HECTD4: variants seen among roughly 807,000 people sequenced by gnomAD.
HECTD4 encodes probable E3 ubiquitin-protein ligase HECTD4.
HECTD4 carries 114 observed loss-of-function variants against 471.5 expected under a neutral mutation model. The ratio of observed to expected loss-of-function variants is 0.24; its 90% CI spans 0.21 to 0.28. HECTD4 has a LOEUF of 0.28. Ranked by LOEUF, HECTD4 falls within the 10% of genes least tolerant of loss-of-function variation. The probability of loss-of-function intolerance (pLI) is 1.00; values close to 1 mark genes in which losing one functional copy is unlikely to be tolerated. For synonymous variants in HECTD4, 2,012 were observed against 2,256.0 expected, an observed-to-expected ratio of 0.89 and a Z score of 3.07; for missense variants, 3,866 against 5,651.5, an observed-to-expected ratio of 0.68 and a Z score of 10.13.
At chr12:112,304,163 T>C (rs965220299) in intron 7 of HECTD4, among the ~76,000 whole-genome samples, 1 of 151,800 alleles carries the variant, frequency 6.6e-6, no homozygotes, top group East Asian at 1.9e-4. Context: ...CAATTTTTTC[T>C]TTTAATTAAA....
intron 55 of HECTD4, among the ~76,000 whole-genome samples, chr12:112,196,383 G>A (rs2032245697): frequency 6.6e-6 from 1 of 152,160 alleles, no homozygotes; most frequent in Non-Finnish European, 1.5e-5. Flanking sequence ...ACCAGTCTGT[G>A]TGGTTCTCAT....
At position 112,184,913 on chromosome 12, in the gene HECTD4, C is replaced by G. The variant is rs751793211; in HGVS notation, c.10053G>C (p.Met3351Ile). The G allele has an allele frequency of 8.1e-6, 13 of 1,613,430 alleles. No homozygotes were observed. The highest frequency in any genetic ancestry group is 2.7e-5 in the African/African-American group (2 of 74,944). Residue 3351 changes from methionine (M) to isoleucine (I), a missense_variant, in exon 61 of 76, where the codon ATG becomes ATC. Physicochemically the swap from Met to Ile is conservative, Grantham distance 10 (BLOSUM62 1). Coordinates refer to ENST00000682272, the MANE Select transcript of HECTD4 (RefSeq NM_001388303.1). The surrounding 1 kb of genome is among the most constrained non-coding windows in gnomAD (Gnocchi z 9.1). Reference sequence around the variant, plus strand: ...GGGTGAGTGCGCGGTGGAACCACAGCATGTCCTCGGGCTTGCTGCCTCCGA... The same window carrying G: ...GGGTGAGTGCGCGGTGGAACCACAGGATGTCCTCGGGCTTGCTGCCTCCGA... Reference protein sequence around the residue: ...LSIGGSKPEDMLWFHRALTLL... With the variant: ...LSIGGSKPEDILWFHRALTLL...
chr12:112,355,178 G>A (rs1238756188), intron 1 of HECTD4, among the ~76,000 whole-genome samples: 3 of 149,922 alleles, frequency 2.0e-5, no homozygotes, highest in African/African-American at 7.4e-5. Flanking sequence ...ACAGGGTTTC[G>A]CCATGTTGGC....
intron 7 of HECTD4, among the ~76,000 whole-genome samples, chr12:112,305,311 A>G (rs1471133140): frequency 6.6e-6 from 1 of 151,988 alleles, no homozygotes; most frequent in East Asian, 1.9e-4. Flanking sequence ...TCTTGCCCCA[A>G]GCCCTCCTCC....
intron 40 of HECTD4, 79 bp downstream of exon 40, chr12:112,230,608 A>G (rs902403251): frequency 2.0e-6 from 3 of 1,465,290 alleles, no homozygotes; most frequent in Non-Finnish European, 2.7e-6. Context: ...CTTTACTGAA[A>G]TGCCCCTTGC....
At position 112,381,951 on chromosome 12, in the gene HECTD4, C is replaced by A; in HGVS notation, c.177+1G>T. 8.2e-7 allele frequency: 1 copy of A among 1,223,990 alleles called. No homozygotes were observed. The highest frequency in any genetic ancestry group is 1.0e-6 in the Non-Finnish European group (1 of 982,928). 75.8% of individuals were successfully genotyped at this position (1,223,990 alleles called of 1,614,324 possible). A position where few individuals can be genotyped will look rare whatever the true frequency, so the allele number is the denominator to read the frequency against. ...CGGGGGCCGGGGGCCGCCTCGCTCACCTCCAGGTCGGTGTCCGCGGCCTCT... is the reference window on the plus strand; with the variant it reads ...CGGGGGCCGGGGGCCGCCTCGCTCAACTCCAGGTCGGTGTCCGCGGCCTCT... On this transcript the variant is annotated splice_donor_variant, in intron 1 of 75. Transcript: ENST00000682272. LOFTEE classifies it high-confidence loss of function. The surrounding 1 kb of genome is among the most constrained non-coding windows in gnomAD (Gnocchi z 4.1).
intron 1 of HECTD4, among the ~76,000 whole-genome samples, chr12:112,323,975 TTC>T (rs2035656399): frequency 1.4e-4 from 3 of 21,126 alleles, no homozygotes; most frequent in African/African-American, 2.7e-4. Context: ...TCTTCCTTCC[TTC>T]CTTCCTTCCT....
chr12:112,250,428 G>A, intron 24 of HECTD4, 51 bp from the exon 25 acceptor site: 1 of 1,323,530 alleles, frequency 7.6e-7, no homozygotes, highest in Non-Finnish European at 1.1e-6. Flanking sequence ...CAAGAGTATT[G>A]GAAAGCTATT....
Position 112,259,222 on chromosome 12 carries a change from G to T in HECTD4, c.2917C>A (p.His973Asn). The part of the protein sequence containing the change: ...EQVTKATMLG[H>N]LLPVLLTSLM... The stretch of plus-strand genomic sequence containing the variant: ...GAGGTCAGTAACACTGGAAGAAGGT[G>T]ACCAAGCATAGTAGCCTTAGTAACT... Residue 973 changes from histidine to asparagine, a missense_variant, in exon 19 of 76, where the codon CAC becomes AAC. By Grantham distance (68) the His-to-Asn change is moderately conservative. This residue lies in a region of HECTD4 where 525 missense variants were observed against 672.6 expected (regional missense o/e 0.78). Transcript: ENST00000682272. 1 of 1,613,852 alleles carries T rather than the reference G, an allele frequency of 6.2e-7. No homozygotes were observed. Among genetic ancestry groups the T allele is most frequent in the South Asian group, 1.1e-5 (1 of 91,040 alleles).
At chr12:112,346,327 T>C (rs933978838) in intron 1 of HECTD4, among the ~76,000 whole-genome samples, 4 of 152,224 alleles carry the variant, frequency 2.6e-5, no homozygotes, top group African/African-American at 7.2e-5. Flanking sequence ...ATCCTGGGAA[T>C]CTGCATGTTT....
intron 69 of HECTD4, 85 bp downstream of exon 69, chr12:112,170,248 A>G: frequency 3.9e-6 from 6 of 1,528,882 alleles, no homozygotes; most frequent in South Asian, 1.2e-5. Context: ...CCAGCCCTGG[A>G]CCCCCTTCTT....
At chr12:112,334,343 A>C (rs941036491) in intron 1 of HECTD4, among the ~76,000 whole-genome samples, 3 of 151,660 alleles carry the variant, frequency 2.0e-5, no homozygotes, top group African/African-American at 7.2e-5. Context: ...GAAAAAAAAA[A>C]CAATCCCATC....
chr12:112,304,204 T>TA (rs2035226585), intron 7 of HECTD4, among the ~76,000 whole-genome samples: 1 of 151,460 alleles, frequency 6.6e-6, no homozygotes, highest in Non-Finnish European at 1.5e-5. Flanking sequence ...AGGGAATTCT[T>TA]CAATGTTCCC....
At chr12:112,341,805 A>G (rs913811847) in intron 1 of HECTD4, among the ~76,000 whole-genome samples, 4 of 152,234 alleles carry the variant, frequency 2.6e-5, no homozygotes, top group Non-Finnish European at 4.4e-5. Flanking sequence ...AAGCTTAACC[A>G]TATGAGATAG....
Position 112,315,620 on chromosome 12 carries a change from G to C in HECTD4, c.696-1074C>G, listed in dbSNP as rs558781232. On this transcript the variant is annotated intron_variant, in intron 2 of 75. Transcript: ENST00000682272. ...TGCCCAACAGGGACACTTTCCTGGGGAACAGTGAGGTTTAAAATAAAGAAG... is the reference window on the plus strand; with the variant it reads ...TGCCCAACAGGGACACTTTCCTGGGCAACAGTGAGGTTTAAAATAAAGAAG... Among the ~76,000 whole-genome samples, 4 of 152,234 alleles carry C rather than the reference G, an allele frequency of 2.6e-5. No homozygotes were observed. In the South Asian group the frequency reaches 8.3e-4, roughly 32 times the overall value.
At chr12:112,223,483 G>A (rs1375151003) in intron 44 of HECTD4, among the ~76,000 whole-genome samples, 1 of 151,982 alleles carries the variant, frequency 6.6e-6, no homozygotes, top group Non-Finnish European at 1.5e-5. Flanking sequence ...GCAGTGGCAC[G>A]ATCTCAGCTC....
chr12:112,337,342 T>C (rs934299802), intron 1 of HECTD4, among the ~76,000 whole-genome samples: 1 of 152,162 alleles, frequency 6.6e-6, no homozygotes, highest in Non-Finnish European at 1.5e-5. Context: ...TAATACATTT[T>C]CTGGGATTAA....
Position 112,163,683 on chromosome 12 carries a change from C to A in HECTD4, c.12756G>T (p.Glu4252Asp). ...CCGTCACGCACTCCACATTCTGCAG[C>A]TCCCGCAGCCGCAGGCTCCGGATGG... ...AAAIRSLRLRELQNVECVTAV... is the reference protein window; with the variant it reads ...AAAIRSLRLRDLQNVECVTAV... The change falls in exon 74 of 76, where the codon GAG (glutamate) becomes GAT (aspartate). Residue 4252 changes from glutamate (E) to aspartate (D), a missense_variant. Transcript: ENST00000682272. The surrounding 1 kb of genome is among the most constrained non-coding windows in gnomAD (Gnocchi z 8.2). 6.6e-7 allele frequency: 1 copy of A among 1,521,668 alleles called. No homozygotes were observed. Among genetic ancestry groups the A allele is most frequent in the Non-Finnish European group, 8.8e-7 (1 of 1,134,516 alleles). The allele number at this position is 1,521,668 out of a possible 1,614,324, so 94.3% of individuals were successfully genotyped here. A position where few individuals can be genotyped will look rare whatever the true frequency, so the allele number is the denominator to read the frequency against.
At chr12:112,274,693 G>T (rs2034488481) in intron 10 of HECTD4, among the ~76,000 whole-genome samples, 154 bp downstream of exon 10, 1 of 151,842 alleles carries the variant, frequency 6.6e-6, no homozygotes, top group Admixed American at 6.6e-5. Context: ...GGTGACAGAA[G>T]AGACCCTGTC....
Sources: gnomAD v4.1 joint callset for allele counts (sites outside exome capture counted in the v4.1 genomes callset) on GRCh38, gnomAD v4.1.1 for gene constraint, gnomAD v4.1.1 regional missense constraint, Gnocchi (gnomAD v3.1) non-coding constraint, MANE v1.5 for transcripts, NCBI Gene and HGNC (gene_info 2026-07-23, HGNC 2026-07-21) for gene names.